Variants in TANC1 observed in about 807,000 individuals in gnomAD.
TANC1 encodes the protein protein TANC1.
TANC1 carries 77 observed loss-of-function variants against 149.7 expected under a neutral mutation model. That is an observed-to-expected ratio of 0.51 (90% confidence interval 0.43 to 0.62). The LOEUF is 0.62. Among genes scored for constraint, TANC1 ranks in the 20% least tolerant of loss-of-function variants. The pLI is 0.00. For missense variants in TANC1, 1,985 were observed against 2,321.8 expected (o/e 0.85, Z 2.98); for synonymous variants, 854 against 925.0 (o/e 0.92, Z 1.39).
intron 3 of TANC1, among the ~76,000 whole-genome samples, chr2:159,073,436 T>C (rs2043341998): frequency 1.3e-5 from 2 of 152,162 alleles, no homozygotes; most frequent in Admixed American, 1.3e-4. Context: ...TAAGACCTTT[T>C]TGTGGCATAA....
At chr2:159,034,937 A>G (rs1454667636) in intron 2 of TANC1, among the ~76,000 whole-genome samples, 2 of 152,220 alleles carry the variant, frequency 1.3e-5, no homozygotes, top group Non-Finnish European at 2.9e-5. Flanking sequence ...TTGTAGTCAA[A>G]GCAGTGTTCA....
At position 159,179,444 on chromosome 2, in the gene TANC1, C is replaced by T. The variant is rs917855459; in HGVS notation, c.2510+281C>T. Among the ~76,000 whole-genome samples the T allele has an allele frequency of 1.3e-5, 2 of 152,076 alleles. 1 individual carries two copies. Among genetic ancestry groups the T allele is most frequent in the South Asian group, 4.2e-4 (2 of 4,808 alleles). ...TGCCTGTGTGGTCCTTCCTTACTGT[C>T]CATTGTCTCATGGAGCCCCGTCTCC... On this transcript the variant is annotated intron_variant, in intron 14 of 26. Transcript: ENST00000263635.
chr2:159,159,713 TGTGTGA>T (rs1245561038), intron 7 of TANC1, among the ~76,000 whole-genome samples: 34 of 65,588 alleles, frequency 5.2e-4, no homozygotes, highest in Admixed American at 2.9e-3. Flanking sequence ...TGTGTGTGTG[TGTGTGA>T]GAGAGAGAGA....
In TANC1 at chr2:159,219,349, C is replaced by T. The variant is rs751315989; in HGVS notation, c.3490C>T (p.Leu1164Phe). ...AGGGCACTTGAGCACCGTGGAATTC[C>T]TCCTTTCAAAAGGTAGCAGCGTGAT... is the stretch of plus-strand genomic sequence containing the variant. Reference protein sequence around the residue: ...CEGHLSTVEFLLSKGAALSSL... With the variant: ...CEGHLSTVEFFLSKGAALSSL... Residue 1164 changes from leucine to phenylalanine, a missense_variant, in exon 21 of 27, where the codon CTC (leucine) becomes TTC (phenylalanine). Around this residue, in one of 3 missense-constraint regions of TANC1, gnomAD observed 920 missense variants for 994.7 expected, o/e 0.92. Transcript: ENST00000263635. 8 of 1,612,016 alleles carry T rather than the reference C, an allele frequency of 5.0e-6. No homozygotes were observed. The highest frequency in any genetic ancestry group is 4.5e-5 in the East Asian group (2 of 44,896).
At chr2:159,005,707 A>T (rs1574071219) in intron 2 of TANC1, among the ~76,000 whole-genome samples, 1 of 152,132 alleles carries the variant, frequency 6.6e-6, no homozygotes, top group Non-Finnish European at 1.5e-5. Flanking sequence ...ATGAGAAAGA[A>T]CTTAGAACAG....
intron 23 of TANC1, chr2:159,225,281 AGCCATG>A: frequency 3.9e-6 from 1 of 254,716 alleles, no homozygotes. Context: ...AGGAGAGAGA[AGCCATG>A]ACATCTCGGA....
At chr2:159,139,321 A>G (rs564134648) in intron 5 of TANC1, among the ~76,000 whole-genome samples, 1 of 152,346 alleles carries the variant, frequency 6.6e-6, no homozygotes, top group South Asian at 2.1e-4. Context: ...CTACTCTAGG[A>G]AAAACGGATG....
chr2:158,980,879 GTTGT>G (rs1458506444), intron 1 of TANC1, among the ~76,000 whole-genome samples: 1 of 151,962 alleles, frequency 6.6e-6, no homozygotes, highest in African/African-American at 2.4e-5. Flanking sequence ...GGCTGTTGTT[GTTGT>G]TTGTCTCTTT....
intron 5 of TANC1, among the ~76,000 whole-genome samples, chr2:159,139,860 A>G (rs1482777718): frequency 6.6e-6 from 1 of 152,196 alleles, no homozygotes; most frequent in African/African-American, 2.4e-5. Context: ...TTAAGTAAAT[A>G]TTTTGATACC....
chr2:159,144,223 T>G (rs1289686687), intron 5 of TANC1, among the ~76,000 whole-genome samples: 1 of 152,170 alleles, frequency 6.6e-6, no homozygotes, highest in African/African-American at 2.4e-5. Context: ...GCATTTTGAA[T>G]GGAGAAATAG....
chr2:159,090,523 G>T (rs2045414552), intron 3 of TANC1, among the ~76,000 whole-genome samples: 2 of 152,182 alleles, frequency 1.3e-5, no homozygotes. Context: ...GTCCCTCTGT[G>T]TGGAGGGTGT....
intron 1 of TANC1, among the ~76,000 whole-genome samples, chr2:158,988,336 A>G (rs2035246458): frequency 6.6e-6 from 1 of 151,848 alleles, no homozygotes; most frequent in Non-Finnish European, 1.5e-5. Flanking sequence ...AAAAAAAAAA[A>G]AAAAAAAGAA....
At chr2:159,195,804 CTG>C (rs1324606913) in intron 17 of TANC1, among the ~76,000 whole-genome samples, 3 of 152,176 alleles carry the variant, frequency 2.0e-5, no homozygotes, top group Non-Finnish European at 4.4e-5. Context: ...GCTGAAAGCT[CTG>C]GAGTAGGAGG....
chr2:159,069,400 A>G (rs1426793661), intron 3 of TANC1, among the ~76,000 whole-genome samples: 2 of 152,130 alleles, frequency 1.3e-5, no homozygotes, highest in South Asian at 2.1e-4. Flanking sequence ...TCCCTGCTTT[A>G]TGTTAGGACC....
intron 3 of TANC1, among the ~76,000 whole-genome samples, chr2:159,075,854 G>T (rs2043619354): frequency 6.6e-6 from 1 of 152,118 alleles, no homozygotes; most frequent in Non-Finnish European, 1.5e-5. Flanking sequence ...GAAAGGAAAT[G>T]AACTTTTTAT....
chr2:159,187,017 A>G lies in TANC1; in HGVS notation c.2735A>G (p.Asn912Ser), dbSNP rs1157919845. ...LASLRNLYTP[N>S]VKVSRLLILG... The stretch of plus-strand genomic sequence containing the variant: ...TCTCTCAGGAATCTCTATACTCCCA[A>G]CGTGAAGGTGAGCAACCTTCTGCAC... The change falls in exon 16 of 27, where the codon AAC (asparagine) becomes AGC (serine). Residue 912 changes from asparagine (N) to serine (S), a missense_variant. Physicochemically the swap from Asn to Ser is conservative, Grantham distance 46 (BLOSUM62 1). Coordinates refer to ENST00000263635, the MANE Select transcript of TANC1 (RefSeq NM_033394.3). 1.2e-6 allele frequency: 2 copies of G among 1,613,966 alleles called. No homozygotes were observed. Among genetic ancestry groups the G allele is most frequent in the African/African-American group, 1.3e-5 (1 of 74,936 alleles).
At chr2:159,149,032 A>T in intron 5 of TANC1, 110 bp from the exon 6 acceptor site, 1 of 1,307,310 alleles carries the variant, frequency 7.6e-7, no homozygotes, top group Non-Finnish European at 1.0e-6. Flanking sequence ...TGCGCATTTT[A>T]TAGAAACACA....
chr2:159,148,628 T>C (rs1190670092), intron 5 of TANC1: 1 of 152,352 alleles, frequency 6.6e-6, no homozygotes, highest in Non-Finnish European at 1.5e-5. Flanking sequence ...TTCACTACTG[T>C]GGGATGTGCA....
intron 6 of TANC1, 108 bp from the exon 7 acceptor site, chr2:159,150,258 TAAAA>T: frequency 2.4e-6 from 2 of 829,938 alleles, no homozygotes; most frequent in Non-Finnish European, 3.7e-6. Flanking sequence ...ATTTTTTTTT[TAAAA>T]CTTCCGTTTT....
Sources: gnomAD v4.1 joint callset for allele counts (sites outside exome capture counted in the v4.1 genomes callset) on GRCh38, gnomAD v4.1.1 for gene constraint, gnomAD v4.1.1 regional missense constraint, MANE v1.5 for transcripts, NCBI Gene and HGNC (gene_info 2026-07-23, HGNC 2026-07-21) for gene names.